C1orf21: variants seen among roughly 807,000 people sequenced by gnomAD.
C1orf21 encodes uncharacterized protein C1orf21.
A neutral mutation model predicts 18.7 loss-of-function variants in C1orf21; 3 were observed. The ratio of observed to expected loss-of-function variants is 0.16; its 90% CI spans 0.07 to 0.42. The LOEUF (loss-of-function observed/expected upper bound fraction) is 0.42. Ranked by LOEUF, C1orf21 falls within the 10% of genes least tolerant of loss-of-function variation. C1orf21 has a pLI of 0.99. For synonymous variants in C1orf21, 41 were observed against 46.4 expected (o/e 0.88, Z 0.47); for missense variants, 104 against 143.6 (o/e 0.72, Z 1.41).
At chr1:184,472,050 T>G (rs937809428) in intron 1 of C1orf21, among the ~76,000 whole-genome samples, 1 of 152,158 alleles carries the variant, frequency 6.6e-6, no homozygotes, top group Non-Finnish European at 1.5e-5. Flanking sequence ...GTTGCCTTTC[T>G]TCTTCCCCCT....
intron 3 of C1orf21, among the ~76,000 whole-genome samples, chr1:184,541,903 GC>G (rs767314147): frequency 3.2e-4 from 49 of 152,200 alleles, no homozygotes; most frequent in Non-Finnish European, 5.6e-4. Context: ...GTGGCTTCGG[GC>G]CGGTGTGGTT....
chr1:184,568,532 C>T (rs569131151), intron 3 of C1orf21: 3 of 444,652 alleles, frequency 6.7e-6, no homozygotes, highest in African/African-American at 6.1e-5. Flanking sequence ...GGCATTACAA[C>T]CTAAAAGTCT....
chr1:184,483,496 C>T (rs999891851), intron 2 of C1orf21, among the ~76,000 whole-genome samples: 2 of 152,162 alleles, frequency 1.3e-5, no homozygotes, highest in Non-Finnish European at 1.5e-5. Flanking sequence ...TCCTTTTCTG[C>T]GCTTTTTCTG....
At chr1:184,431,782 A>G (rs1265121845) in intron 1 of C1orf21, among the ~76,000 whole-genome samples, 1 of 152,184 alleles carries the variant, frequency 6.6e-6, no homozygotes, top group East Asian at 1.9e-4. Flanking sequence ...AGAAAAAAAC[A>G]AACAACCTCA....
At chr1:184,462,949 G>T (rs2101984703) in intron 1 of C1orf21, among the ~76,000 whole-genome samples, 1 of 152,152 alleles carries the variant, frequency 6.6e-6, no homozygotes, top group East Asian at 1.9e-4. Flanking sequence ...CAGCGTGGTG[G>T]CAGGTGCCTG....
intron 1 of C1orf21, among the ~76,000 whole-genome samples, chr1:184,420,373 C>T (rs576400565): frequency 1.3e-5 from 2 of 152,192 alleles, no homozygotes; most frequent in South Asian, 2.1e-4. Context: ...GATTTCATTA[C>T]GTTGGCTCTG....
Position 184,512,269 on chromosome 1 carries a change from A to G in C1orf21, c.189+4587A>G, listed in dbSNP as rs531649290. 1.4e-4 allele frequency among the ~76,000 whole-genome samples: 21 copies of G among 152,326 alleles called. No homozygotes were observed. The East Asian group carries it at 4.0e-3, about 29-fold the overall frequency. ...CACAACTGTTTTGGGATAACTGTGC[A>G]TGATCTGCTTAATATGTGTTCCTCT... On this transcript the variant is annotated intron_variant, in intron 3 of 5. Transcript: ENST00000235307.
intron 2 of C1orf21, among the ~76,000 whole-genome samples, chr1:184,501,062 G>A (rs534650617): frequency 6.6e-6 from 1 of 152,298 alleles, no homozygotes; most frequent in African/African-American, 2.4e-5. Flanking sequence ...GAGAGAGGCA[G>A]AAAGCCCTGG....
intron 3 of C1orf21, among the ~76,000 whole-genome samples, chr1:184,536,609 C>T (rs1167200338): frequency 2.0e-5 from 3 of 152,168 alleles, no homozygotes; most frequent in East Asian, 1.9e-4. Flanking sequence ...GGTAGATATC[C>T]GAGGACAACT....
chr1:184,468,011 T>TGAGAGAGA (rs57517174), intron 1 of C1orf21, among the ~76,000 whole-genome samples: 1 of 137,536 alleles, frequency 7.3e-6, no homozygotes, highest in Non-Finnish European at 1.6e-5. Flanking sequence ...TGTGTGTGTG[T>TGAGAGAGA]GAGAGAGAGA....
At chr1:184,455,878 C>A (rs534370347) in intron 1 of C1orf21, among the ~76,000 whole-genome samples, 2 of 152,284 alleles carry the variant, frequency 1.3e-5, no homozygotes, top group South Asian at 4.1e-4. Flanking sequence ...CTGTATAATT[C>A]TCTATGTATA....
chr1:184,528,691 C>T (rs1052959533), intron 3 of C1orf21, among the ~76,000 whole-genome samples: 3 of 152,040 alleles, frequency 2.0e-5, no homozygotes, highest in African/African-American at 7.2e-5. Context: ...GTGATCCACC[C>T]GCCTCAGCCT....
intron 1 of C1orf21, among the ~76,000 whole-genome samples, chr1:184,390,961 G>A (rs1468695865): frequency 6.6e-6 from 1 of 152,198 alleles, no homozygotes; most frequent in Non-Finnish European, 1.5e-5. Flanking sequence ...TTGCGACAGT[G>A]AAACTATATT....
chr1:184,538,602 C>T lies in C1orf21; in HGVS notation c.189+30920C>T, dbSNP rs535227483. On this transcript the variant is annotated intron_variant, in intron 3 of 5. Transcript: ENST00000235307. ...GCTTTATAGTTTTAGTCCTATGTTT[C>T]GATCTTTGATCCATTTTGAGGTCAT... Among the ~76,000 whole-genome samples the T allele has an allele frequency of 3.9e-5, 6 of 152,082 alleles. No homozygotes were observed. The East Asian group carries it at 5.8e-4, about 15-fold the overall frequency.
chr1:184,449,763 C>A (rs1657094831), intron 1 of C1orf21, among the ~76,000 whole-genome samples: 1 of 152,058 alleles, frequency 6.6e-6, no homozygotes, highest in Non-Finnish European at 1.5e-5. Flanking sequence ...AAATTAAGAT[C>A]CCTATGTGTA....
At chr1:184,482,794 C>T (rs181693484) in intron 2 of C1orf21, among the ~76,000 whole-genome samples, 1 of 152,260 alleles carries the variant, frequency 6.6e-6, no homozygotes, top group South Asian at 2.1e-4. Flanking sequence ...CTTCTGAAGA[C>T]ATCCTCAGGA....
intron 3 of C1orf21, among the ~76,000 whole-genome samples, chr1:184,508,971 G>A (rs1026877700): frequency 2.6e-5 from 4 of 152,126 alleles, no homozygotes; most frequent in African/African-American, 9.7e-5. Flanking sequence ...AATATCAGTA[G>A]TCATTTTTCT....
At chr1:184,551,258 A>T (rs1427995489) in intron 3 of C1orf21, among the ~76,000 whole-genome samples, 2 of 152,198 alleles carry the variant, frequency 1.3e-5, no homozygotes, top group African/African-American at 4.8e-5. Context: ...GTTTTTAAAA[A>T]ATCCAGGAGA....
In C1orf21 at chr1:184,625,767, T is replaced by A. The variant is rs575965013; in HGVS notation, c.*6211T>A. ...CTCACATGGGAGAATCGAGGTCTGC[T>A]ACTCGTCTTGCTTTGTGCCCCATCT... On this transcript the variant is annotated 3_prime_UTR_variant, in exon 6 of 6. Transcript: ENST00000235307. 54 of 152,492 alleles carry A rather than the reference T, an allele frequency of 3.5e-4. 1 individual carries two copies. Among genetic ancestry groups the A allele is most frequent in the African/African-American group, 1.2e-3 (51 of 41,574 alleles). 9.4% of individuals were successfully genotyped at this position (152,492 alleles called of 1,614,324 possible). A position where few individuals can be genotyped will look rare whatever the true frequency, so the allele number is the denominator to read the frequency against.
Sources: allele counts gnomAD v4.1 joint callset (sites outside exome capture counted in the v4.1 genomes callset), GRCh38; gene constraint gnomAD v4.1.1; transcripts MANE v1.5; gene names NCBI Gene and HGNC (gene_info 2026-07-23, HGNC 2026-07-21).